The following APBB2 variants were observed in gnomAD, a reference collection of about 807,000 sequenced individuals.
APBB2 encodes the protein Fe65-like 1.
A neutral mutation model predicts 82.5 loss-of-function variants in APBB2; 38 were observed. That is an observed-to-expected ratio of 0.46 (90% CI 0.36 to 0.60). The LOEUF is 0.60. APBB2 is among the 20% of genes least tolerant of loss of function. The pLI is 0.00. For synonymous variants in APBB2, 341 were observed against 368.2 expected, an observed-to-expected ratio of 0.93 and a Z score of 0.85; for missense variants, 772 against 972.3, an observed-to-expected ratio of 0.79 and a Z score of 2.74.
intron 10 of APBB2, among the ~76,000 whole-genome samples, chr4:40,923,124 C>T (rs1190927669): frequency 4.6e-5 from 7 of 151,766 alleles, no homozygotes; most frequent in South Asian, 2.1e-4. Context: ...TACAGGCGCC[C>T]GCCACCGCGC....
chr4:41,213,282 G>A (rs1378279717), intron 1 of APBB2, among the ~76,000 whole-genome samples: 2 of 151,956 alleles, frequency 1.3e-5, no homozygotes, highest in East Asian at 1.9e-4. Flanking sequence ...GGTATTTCAC[G>A]TAAGTAATTA....
chr4:41,209,188 T>C (rs921006289), intron 1 of APBB2, among the ~76,000 whole-genome samples: 2 of 152,120 alleles, frequency 1.3e-5, no homozygotes, highest in Non-Finnish European at 2.9e-5. Context: ...TCTCCCTTTA[T>C]TAAAAATTAT....
chr4:41,170,538 G>A (rs1212733279), intron 1 of APBB2, among the ~76,000 whole-genome samples: 1 of 152,168 alleles, frequency 6.6e-6, no homozygotes, highest in African/African-American at 2.4e-5. Flanking sequence ...TTCAAACTGA[G>A]GGGCATTCTA....
At chr4:40,859,924 ATCT>A (rs1762364480) in intron 12 of APBB2, among the ~76,000 whole-genome samples, 1 of 152,126 alleles carries the variant, frequency 6.6e-6, no homozygotes, top group African/African-American at 2.4e-5. Flanking sequence ...AATCCCTCTC[ATCT>A]TCTAGGAATC....
chr4:41,076,422 C>T (rs1388068220), intron 3 of APBB2, among the ~76,000 whole-genome samples: 2 of 152,138 alleles, frequency 1.3e-5, no homozygotes, highest in Non-Finnish European at 2.9e-5. Flanking sequence ...CTCGGGGACA[C>T]TAGGAACAGT....
intron 12 of APBB2, among the ~76,000 whole-genome samples, chr4:40,846,791 A>G (rs962171723): frequency 2.0e-5 from 3 of 152,228 alleles, no homozygotes; most frequent in Non-Finnish European, 2.9e-5. Flanking sequence ...GGGAAGACAC[A>G]ATAGTTACCA....
intron 1 of APBB2, among the ~76,000 whole-genome samples, chr4:41,206,954 T>C (rs769814844): frequency 6.6e-6 from 1 of 151,996 alleles, no homozygotes; most frequent in Non-Finnish European, 1.5e-5. Context: ...TCCCAGCACT[T>C]TGAGAGGCTG....
intron 6 of APBB2, among the ~76,000 whole-genome samples, chr4:40,972,322 G>A (rs1796126798): frequency 6.6e-6 from 1 of 151,962 alleles, no homozygotes; most frequent in South Asian, 2.1e-4. Flanking sequence ...CAGCTACTCG[G>A]GAGGCTGAGG....
chr4:41,017,494 G>A (rs1253063459), intron 5 of APBB2, among the ~76,000 whole-genome samples: 1 of 152,192 alleles, frequency 6.6e-6, no homozygotes, highest in African/African-American at 2.4e-5. Context: ...AGATCTCAGG[G>A]TCAAGGAGAG....
At chr4:40,991,842 T>C (rs1201272289) in intron 6 of APBB2, among the ~76,000 whole-genome samples, 1 of 152,130 alleles carries the variant, frequency 6.6e-6, no homozygotes, top group Non-Finnish European at 1.5e-5. Context: ...ACTCGTCTCA[T>C]CCCTTCAGAA....
chr4:41,081,553 A>T (rs568973486), intron 3 of APBB2, among the ~76,000 whole-genome samples: 1 of 152,328 alleles, frequency 6.6e-6, no homozygotes, highest in East Asian at 1.9e-4. Context: ...TATTTCCAAA[A>T]TATATTCATT....
At chr4:40,948,129 G>C (rs1788962400) in intron 6 of APBB2, among the ~76,000 whole-genome samples, 1 of 152,182 alleles carries the variant, frequency 6.6e-6, no homozygotes, top group Non-Finnish European at 1.5e-5. Flanking sequence ...AAGAGTACTG[G>C]GCTGGAGACC....
At chr4:40,921,873 G>T (rs1781351501) in intron 10 of APBB2, among the ~76,000 whole-genome samples, 1 of 152,184 alleles carries the variant, frequency 6.6e-6, no homozygotes, top group South Asian at 2.1e-4. Flanking sequence ...CTGACCATTG[G>T]TAATGTGGCT....
chr4:40,885,971 C>G (rs1186368685), intron 12 of APBB2, among the ~76,000 whole-genome samples: 2 of 151,980 alleles, frequency 1.3e-5, no homozygotes, highest in Non-Finnish European at 2.9e-5. Flanking sequence ...GGATTAATCA[C>G]TGATAGGGAA....
intron 6 of APBB2, among the ~76,000 whole-genome samples, chr4:40,961,936 C>A (rs1226105820): frequency 6.6e-6 from 1 of 152,214 alleles, no homozygotes; most frequent in African/African-American, 2.4e-5. Flanking sequence ...CAGCCAACCA[C>A]AAGCAACATC....
At chr4:41,025,525 T>C (rs1336874267) in intron 5 of APBB2, among the ~76,000 whole-genome samples, 1 of 151,990 alleles carries the variant, frequency 6.6e-6, no homozygotes, top group Non-Finnish European at 1.5e-5. Flanking sequence ...CAGAGGAATA[T>C]AAATCATAAA....
At chr4:40,855,186 C>T (rs543523169) in intron 12 of APBB2, among the ~76,000 whole-genome samples, 2 of 152,298 alleles carry the variant, frequency 1.3e-5, no homozygotes, top group East Asian at 3.9e-4. Flanking sequence ...TTGGTGTCAT[C>T]CACACTGCTT....
At chr4:40,930,448 T>TGTGTGTGTGTGC (rs1480774001) in intron 10 of APBB2, among the ~76,000 whole-genome samples, 1 of 66,538 alleles carries the variant, frequency 1.5e-5, no homozygotes, top group East Asian at 5.8e-4. Context: ...TGTGTGTGTG[T>TGTGTGTGTGTGC]GCGCGCGCGC....
In APBB2 at chr4:41,156,895, C is replaced by T. The variant is rs192851701; in HGVS notation, c.-416-13753G>A. Among the ~76,000 whole-genome samples the T allele has an allele frequency of 4.9e-4, 74 of 152,044 alleles. 1 individual carries two copies. The highest frequency in any genetic ancestry group is 9.8e-4 in the Admixed American group (15 of 15,276). ...AGCCGGACTAACATGGGAAAACCCC[C>T]GTCTCTACTAAAAATACAAAATTAG... On this transcript the variant is annotated intron_variant, in intron 1 of 17. Coordinates refer to ENST00000508593, the MANE Select transcript of APBB2 (RefSeq NM_004307.2).
Sources: gnomAD v4.1 joint callset for allele counts (sites outside exome capture counted in the v4.1 genomes callset) on GRCh38, gnomAD v4.1.1 for gene constraint, MANE v1.5 for transcripts, NCBI Gene and HGNC (gene_info 2026-07-23, HGNC 2026-07-21) for gene names.